Variants in PTPRE observed in about 807,000 individuals in gnomAD.
The protein encoded by PTPRE is receptor-type tyrosine-protein phosphatase epsilon.
Under a neutral mutation model 102.0 loss-of-function variants are expected in PTPRE, and 51 were observed. The observed-to-expected ratio is 0.50, with a 90% CI of 0.40 to 0.63. The LOEUF (loss-of-function observed/expected upper bound fraction) is 0.63, where lower values mean the gene tolerates loss of function less well. PTPRE is among the 30% of genes least tolerant of loss of function. The pLI is 0.00. For missense variants in PTPRE, 752 were observed against 915.1 expected (o/e 0.82, Z 2.30); for synonymous variants, 345 against 348.2 (o/e 0.99, Z 0.10).
chr10:127,978,106 T>G (rs914344970), intron 1 of PTPRE, among the ~76,000 whole-genome samples: 6 of 152,214 alleles, frequency 3.9e-5, no homozygotes, highest in Middle Eastern at 3.2e-3. Flanking sequence ...AGGAAAATAT[T>G]TTAAGGAATA....
chr10:128,039,220 C>T (rs1275128463), intron 2 of PTPRE, among the ~76,000 whole-genome samples: 3 of 152,112 alleles, frequency 2.0e-5, no homozygotes, highest in Non-Finnish European at 4.4e-5. Flanking sequence ...AGCTGCCTGT[C>T]GTAGAAGGGC....
At chr10:128,034,260 C>T (rs1406258398) in intron 2 of PTPRE, among the ~76,000 whole-genome samples, 4 of 151,976 alleles carry the variant, frequency 2.6e-5, no homozygotes, top group Non-Finnish European at 4.4e-5. Context: ...TAGTTCCAAA[C>T]TAGTTGGAAA....
chr10:127,931,445 G>A lies in PTPRE; in HGVS notation c.-31+24136G>A, dbSNP rs112845450. The stretch of plus-strand genomic sequence containing the variant: ...ACATTTTTGCCTTTTCTCGTGACAC[G>A]TCTACTTTGCTCAAAGTCCGCCTCA... On this transcript the variant is annotated intron_variant, in intron 1 of 20. Transcript: ENST00000254667. Among the ~76,000 whole-genome samples, 1,099 of 152,286 alleles carry A rather than the reference G, an allele frequency of 7.2e-3. 13 individuals are homozygous for A. The highest frequency in any genetic ancestry group is 0.025 in the African/African-American group (1,049 of 41,554).
chr10:127,968,474 C>T (rs1233936642), intron 1 of PTPRE, among the ~76,000 whole-genome samples: 1 of 152,218 alleles, frequency 6.6e-6, no homozygotes, highest in Admixed American at 6.5e-5. Flanking sequence ...GCGAGTTCTG[C>T]CTCCAATGTC....
At chr10:127,948,843 C>G (rs995678916) in intron 1 of PTPRE, among the ~76,000 whole-genome samples, 2 of 152,212 alleles carry the variant, frequency 1.3e-5, no homozygotes, top group Admixed American at 1.3e-4. Context: ...GGAGTATATC[C>G]TTCCAGAGGA....
chr10:127,907,149 C>T lies in PTPRE; in HGVS notation c.-191C>T. On this transcript the variant is annotated 5_prime_UTR_variant, in exon 1 of 21. Transcript: ENST00000254667. The surrounding 1 kb of genome is among the most constrained non-coding windows in gnomAD (Gnocchi z 4.8). ...GCGGACAGCGGGCGGCAGGAGCCGG[C>T]GCGAGCGGCTTCAGGAACCCACGGC... is the stretch of plus-strand genomic sequence containing the variant. 3.6e-6 allele frequency: 2 copies of T among 552,022 alleles called. No individual in the cohort carries two copies. The highest frequency in any genetic ancestry group is 4.6e-6 in the Non-Finnish European group (2 of 434,578). The allele number at this position is 552,022 out of a possible 1,614,324, so 34.2% of individuals were successfully genotyped here.
chr10:127,923,635 C>G (rs1846784901), intron 1 of PTPRE, among the ~76,000 whole-genome samples: 1 of 152,088 alleles, frequency 6.6e-6, no homozygotes, highest in African/African-American at 2.4e-5. Context: ...AACTCCTGAC[C>G]TCGTGATCCA....
intron 17 of PTPRE, 122 bp downstream of exon 17, chr10:128,073,593 A>G: frequency 8.3e-7 from 1 of 1,211,216 alleles, no homozygotes; most frequent in Non-Finnish European, 1.1e-6. Context: ...CCAAGCCAGG[A>G]CCACTAGGGA....
At chr10:128,067,113 C>G (rs1360411727) in intron 11 of PTPRE, among the ~76,000 whole-genome samples, 1 of 150,660 alleles carries the variant, frequency 6.6e-6, no homozygotes, top group East Asian at 2.0e-4. Context: ...CGCACACAAC[C>G]GTACAATGCA....
chr10:127,940,449 C>T (rs549552186), intron 1 of PTPRE, among the ~76,000 whole-genome samples: 2 of 152,300 alleles, frequency 1.3e-5, no homozygotes, highest in South Asian at 4.1e-4. Context: ...TGGTCCCCTG[C>T]ATGCACCTCT....
intron 2 of PTPRE, among the ~76,000 whole-genome samples, chr10:127,991,780 A>G (rs1405310047): frequency 6.6e-6 from 1 of 152,142 alleles, no homozygotes; most frequent in Admixed American, 6.5e-5. Context: ...CTGTCCGTCC[A>G]GCAGGGATCT....
chr10:127,951,435 A>G (rs1267727972), intron 1 of PTPRE, among the ~76,000 whole-genome samples: 1 of 152,228 alleles, frequency 6.6e-6, no homozygotes, highest in Admixed American at 6.5e-5. Context: ...ACTACTGGAC[A>G]CTGGCTCTGA....
intron 2 of PTPRE, among the ~76,000 whole-genome samples, chr10:128,040,023 G>A (rs1196550889): frequency 6.6e-6 from 1 of 152,160 alleles, no homozygotes; most frequent in African/African-American, 2.4e-5. Flanking sequence ...TTTCTGTGCT[G>A]AGCCACTTTA....
chr10:127,948,281 G>C (rs1224654674), intron 1 of PTPRE, among the ~76,000 whole-genome samples: 3 of 152,034 alleles, frequency 2.0e-5, no homozygotes, highest in Admixed American at 2.0e-4. Flanking sequence ...CAGCAAAATT[G>C]AGTGGAAGGT....
intron 2 of PTPRE, among the ~76,000 whole-genome samples, chr10:128,018,566 C>T (rs558030141): frequency 3.9e-5 from 6 of 152,300 alleles, no homozygotes; most frequent in Middle Eastern, 3.4e-3. Context: ...CCGAGGCCCT[C>T]GCCAACAGCT....
intron 2 of PTPRE, among the ~76,000 whole-genome samples, chr10:128,031,469 AGG>A (rs1846751561): frequency 6.6e-6 from 1 of 152,168 alleles, no homozygotes; most frequent in Non-Finnish European, 1.5e-5. Context: ...CCGAGCCCCA[AGG>A]GCGGATGGGT....
chr10:127,920,103 G>T (rs1031805510), intron 1 of PTPRE, among the ~76,000 whole-genome samples: 2 of 152,162 alleles, frequency 1.3e-5, no homozygotes, highest in African/African-American at 4.8e-5. Context: ...CGAGTTTGTG[G>T]CTAGAATGAT....
chr10:127,973,381 A>G (rs1302325764), intron 1 of PTPRE, among the ~76,000 whole-genome samples: 1 of 152,196 alleles, frequency 6.6e-6, no homozygotes, highest in Non-Finnish European at 1.5e-5. Context: ...TATAACAGAT[A>G]CCTAGAATCT....
chr10:128,005,145 G>A (rs932922885), intron 2 of PTPRE, among the ~76,000 whole-genome samples: 2 of 152,152 alleles, frequency 1.3e-5, no homozygotes, highest in Non-Finnish European at 2.9e-5. Flanking sequence ...ACGTCCTTAC[G>A]ACATAAATCA....
Sources: gnomAD v4.1 joint callset for allele counts (sites outside exome capture counted in the v4.1 genomes callset) on GRCh38, gnomAD v4.1.1 for gene constraint, Gnocchi (gnomAD v3.1) non-coding constraint, MANE v1.5 for transcripts, NCBI Gene and HGNC (gene_info 2026-07-23, HGNC 2026-07-21) for gene names.